Variants in MAST2 observed in about 807,000 individuals in gnomAD.
MAST2 encodes the protein microtubule-associated serine/threonine-protein kinase 2.
A neutral mutation model predicts 147.4 loss-of-function variants in MAST2; 70 were observed. The ratio of observed to expected loss-of-function variants is 0.47; its 90% CI spans 0.39 to 0.58. MAST2 has a LOEUF of 0.58. Ranked by LOEUF, MAST2 falls within the 20% of genes least tolerant of loss-of-function variation. MAST2 has a pLI of 0.00. For synonymous variants in MAST2, 869 were observed against 896.8 expected, an observed-to-expected ratio of 0.97 and a Z score of 0.55; for missense variants, 2,080 against 2,302.3, an observed-to-expected ratio of 0.90 and a Z score of 1.98.
intron 5 of MAST2, among the ~76,000 whole-genome samples, chr1:45,962,589 A>G (rs1466543519): frequency 6.6e-6 from 1 of 152,150 alleles, no homozygotes; most frequent in Non-Finnish European, 1.5e-5. Context: ...GTGTCTGTTC[A>G]TATCCTTCGC....
rs760111711 is a variant in MAST2 at position 46,006,416 on chromosome 1, C to G, written c.902+21C>G. 3.7e-6 allele frequency: 6 copies of G among 1,606,746 alleles called. No individual in the cohort carries two copies. The African/African-American group carries it at 4.0e-5, about 11-fold the overall frequency. ...CTCAGGTGAGGGTGCTCTCTGCCCA[C>G]TGTTCCAGTGCATGTGGATTTCAGC... is the stretch of plus-strand genomic sequence containing the variant. On this transcript the variant is annotated intron_variant, in intron 8 of 28. Transcript: ENST00000361297.
chr1:45,885,798 A>G (rs1647055344), intron 4 of MAST2, among the ~76,000 whole-genome samples: 2 of 152,230 alleles, frequency 1.3e-5, no homozygotes, highest in African/African-American at 4.8e-5. Flanking sequence ...ACAGTAGTGA[A>G]TAAAGCAGAC....
chr1:46,024,212 G>C, intron 15 of MAST2: 1 of 521,246 alleles, frequency 1.9e-6, no homozygotes, highest in South Asian at 2.0e-5. Flanking sequence ...CAGGCCAGCA[G>C]CTATAGAATC....
intron 16 of MAST2, among the ~76,000 whole-genome samples, chr1:46,026,734 G>T (rs1266300695): frequency 6.6e-6 from 1 of 152,162 alleles, no homozygotes; most frequent in Non-Finnish European, 1.5e-5. Flanking sequence ...GGGAACAGAA[G>T]AGGCTGGGAT....
intron 4 of MAST2, among the ~76,000 whole-genome samples, chr1:45,918,994 G>A (rs1436655622): frequency 3.3e-5 from 5 of 151,988 alleles, no homozygotes; most frequent in Non-Finnish European, 7.4e-5. Flanking sequence ...ATGGTGGCGC[G>A]TACCTGTAAT....
chr1:45,906,199 T>A (rs994391136), intron 4 of MAST2, among the ~76,000 whole-genome samples: 1 of 152,216 alleles, frequency 6.6e-6, no homozygotes, highest in African/African-American at 2.4e-5. Flanking sequence ...GTCAGATATA[T>A]ATAGTCATGC....
chr1:45,989,028 C>T (rs1026270201), intron 5 of MAST2, among the ~76,000 whole-genome samples: 1 of 152,110 alleles, frequency 6.6e-6, no homozygotes, highest in Non-Finnish European at 1.5e-5. Flanking sequence ...ACTGGGGTGT[C>T]CTTTTTCTAG....
At chr1:45,962,365 G>A (rs1660553567) in intron 5 of MAST2, among the ~76,000 whole-genome samples, 2 of 151,906 alleles carry the variant, frequency 1.3e-5, no homozygotes, top group Admixed American at 6.6e-5. Context: ...CACAATGGTT[G>A]AACTAGTTTA....
intron 3 of MAST2, among the ~76,000 whole-genome samples, chr1:45,850,214 G>C (rs1160909268): frequency 1.3e-5 from 2 of 152,096 alleles, no homozygotes; most frequent in African/African-American, 4.8e-5. Context: ...TGTGGAGCAT[G>C]TTTTCATGTT....
At chr1:45,960,365 T>C (rs1388633623) in intron 5 of MAST2, among the ~76,000 whole-genome samples, 2 of 151,976 alleles carry the variant, frequency 1.3e-5, no homozygotes, top group Non-Finnish European at 2.9e-5. Context: ...ACAACTTAGC[T>C]GGACATGGTG....
At chr1:45,866,203 G>A (rs950516154) in intron 3 of MAST2, among the ~76,000 whole-genome samples, 1 of 152,172 alleles carries the variant, frequency 6.6e-6, no homozygotes, top group Admixed American at 6.5e-5. Context: ...AACATTCAGA[G>A]CCCGTAGGGA....
chr1:45,981,786 G>A (rs1006931587), intron 5 of MAST2, among the ~76,000 whole-genome samples: 3 of 151,446 alleles, frequency 2.0e-5, no homozygotes, highest in African/African-American at 7.3e-5. Flanking sequence ...TTTGGCAAAG[G>A]CAGTTTCAAA....
chr1:45,810,785 T>A (rs1167809844), intron 1 of MAST2, among the ~76,000 whole-genome samples: 1 of 115,972 alleles, frequency 8.6e-6, no homozygotes, highest in Non-Finnish European at 1.7e-5. Flanking sequence ...TACTCCATCC[T>A]GGGCGACAGA....
At chr1:45,935,620 T>G (rs2148750638) in intron 4 of MAST2, among the ~76,000 whole-genome samples, 1 of 152,344 alleles carries the variant, frequency 6.6e-6, no homozygotes, top group South Asian at 2.1e-4. Context: ...GGCTAGCCAG[T>G]TATCCCAGCA....
intron 4 of MAST2, among the ~76,000 whole-genome samples, chr1:45,932,982 C>T (rs1655557980): frequency 6.9e-6 from 1 of 145,308 alleles, no homozygotes; most frequent in South Asian, 2.2e-4. Flanking sequence ...AAATATGAAT[C>T]AGGCATGGTA....
chr1:45,807,398 CTTTA>C (rs966493170), intron 1 of MAST2, among the ~76,000 whole-genome samples: 6 of 152,106 alleles, frequency 3.9e-5, no homozygotes, highest in Admixed American at 6.6e-5. Flanking sequence ...CTGCAGTCCT[CTTTA>C]TTTATGGCAT....
intron 3 of MAST2, among the ~76,000 whole-genome samples, chr1:45,867,327 T>A (rs956473260): frequency 1.3e-5 from 2 of 152,220 alleles, no homozygotes; most frequent in Non-Finnish European, 2.9e-5. Context: ...CGCTAATTGC[T>A]TTCTGGTGAA....
rs147939171 is a variant in MAST2 at position 45,956,955 on chromosome 1, C to T, written c.501-2431C>T. ...GAGGAATTCGTCACAATGTGTTGGA[C>T]TCGTATTTGGTCGAATTTATGTGGG... On this transcript the variant is annotated intron_variant, in intron 4 of 28. Transcript: ENST00000361297. Among the ~76,000 whole-genome samples, 102 of 152,300 alleles carry T rather than the reference C, an allele frequency of 6.7e-4. 1 individual carries two copies. The highest frequency in any genetic ancestry group is 2.3e-3 in the African/African-American group (96 of 41,564).
At chr1:45,849,834 C>G (rs1311489617) in intron 3 of MAST2, among the ~76,000 whole-genome samples, 2 of 152,150 alleles carry the variant, frequency 1.3e-5, no homozygotes, top group Non-Finnish European at 2.9e-5. Context: ...CCCATATTTT[C>G]TTTATCTAGT....
Sources: gnomAD v4.1 joint callset for allele counts (sites outside exome capture counted in the v4.1 genomes callset) on GRCh38, gnomAD v4.1.1 for gene constraint, MANE v1.5 for transcripts, NCBI Gene and HGNC (gene_info 2026-07-23, HGNC 2026-07-21) for gene names.